Variants in ATXN10 observed in about 807,000 individuals in gnomAD.
ATXN10 encodes ataxin-10.
ATXN10 carries 28 observed loss-of-function variants against 52.9 expected under a neutral mutation model. The ratio of observed to expected loss-of-function variants is 0.53; its 90% confidence interval spans 0.39 to 0.73. The LOEUF is 0.73. Ranked by LOEUF, ATXN10 falls within the 30% of genes least tolerant of loss-of-function variation. The pLI, the probability that ATXN10 is intolerant of heterozygous loss-of-function variation, is 0.00. For missense variants in ATXN10, 565 were observed against 577.0 expected, an observed-to-expected ratio of 0.98 and a Z score of 0.21; for synonymous variants, 226 against 221.5, an observed-to-expected ratio of 1.02 and a Z score of -0.18.
rs1201104077 is a variant in ATXN10 at position 45,715,061 on chromosome 22, A to G, written c.648-3352A>G. 1.3e-5 allele frequency among the ~76,000 whole-genome samples: 2 copies of G among 152,218 alleles called. No homozygotes were observed. Among genetic ancestry groups the G allele is most frequent in the Non-Finnish European group, 2.9e-5 (2 of 68,044 alleles). ...TTGCTTCCTAACCACGCATTCCAGC[A>G]TGCAGAACTCAGTCCTTCCTTTACG... On this transcript the variant is annotated intron_variant, in intron 5 of 11. Coordinates refer to ENST00000252934, the MANE Select transcript of ATXN10 (RefSeq NM_013236.4). The surrounding 1 kb of genome is among the most constrained non-coding windows in gnomAD (Gnocchi z 4.4).
In ATXN10 at chr22:45,828,461, T is replaced by C. The variant is rs1485220222; in HGVS notation, c.1238-14530T>C. Among the ~76,000 whole-genome samples the C allele has an allele frequency of 6.6e-6, 1 of 152,048 alleles. No individual in the cohort carries two copies. Among genetic ancestry groups the C allele is most frequent in the Non-Finnish European group, 1.5e-5 (1 of 67,996 alleles). ...AATAGAAAAATAATAGAGAAAATTA[T>C]GAAAACAGAAGTTGCTTTTTTAAAG... On this transcript the variant is annotated intron_variant, in intron 10 of 11. Transcript: ENST00000252934. This position sits in a 1 kb window ranked among gnomAD's most constrained non-coding sequence, Gnocchi z 4.5.
intron 9 of ATXN10, among the ~76,000 whole-genome samples, chr22:45,751,763 A>AAAAAAAAT: frequency 6.0e-5 from 4 of 66,630 alleles, no homozygotes; most frequent in East Asian, 3.1e-4. Context: ...AATAAAAAAA[A>AAAAAAAAT]AATAATAATA....
chr22:45,778,942 T>TGGATA (rs1362781272), intron 9 of ATXN10, among the ~76,000 whole-genome samples: 2 of 152,218 alleles, frequency 1.3e-5, no homozygotes, highest in African/African-American at 4.8e-5. Context: ...GTGAGTGGAA[T>TGGATA]GGATACAGAG....
intron 9 of ATXN10, among the ~76,000 whole-genome samples, chr22:45,800,150 A>G (rs1927883255): frequency 1.3e-5 from 2 of 152,220 alleles, no homozygotes; most frequent in South Asian, 2.1e-4. Context: ...TAAAAAGTCA[A>G]TGCTCTTTGA....
rs1926463145 is a variant in ATXN10 at position 45,763,246 on chromosome 22, T to A, written c.1173+22708T>A. Among the ~76,000 whole-genome samples the A allele has an allele frequency of 6.6e-6, 1 of 150,450 alleles. No homozygotes were observed. On this transcript the variant is annotated intron_variant, in intron 9 of 11. Coordinates refer to ENST00000252934, the MANE Select transcript of ATXN10 (RefSeq NM_013236.4). This position sits in a 1 kb window ranked among gnomAD's most constrained non-coding sequence, Gnocchi z 6.9. ...GGAGAATCTGGAGAGCTGGAGAGAG[T>A]GAGGTGGTGAGGTGGGCCTGGCGTG...
chr22:45,781,581 CA>C lies in ATXN10; in HGVS notation c.1174-25377del, dbSNP rs1448332436. 6.6e-6 allele frequency among the ~76,000 whole-genome samples: 1 copy of C among 152,180 alleles called. No homozygotes were observed. The highest frequency in any genetic ancestry group is 1.5e-5 in the Non-Finnish European group (1 of 68,026). On this transcript the variant is annotated intron_variant, in intron 9 of 11. Transcript: ENST00000252934. The surrounding 1 kb of genome is among the most constrained non-coding windows in gnomAD (Gnocchi z 4.2). ...GAGTACAATTTAAAATCATGGGTTACACTAAGGACCAGGAAAATCTTAGCTT... is the reference window on the plus strand; with the variant it reads ...GAGTACAATTTAAAATCATGGGTTACCTAAGGACCAGGAAAATCTTAGCTT...
At chr22:45,813,937 G>A (rs1348778577) in intron 10 of ATXN10, among the ~76,000 whole-genome samples, 1 of 152,140 alleles carries the variant, frequency 6.6e-6, no homozygotes, top group Non-Finnish European at 1.5e-5. Context: ...GTCAACAAAG[G>A]CCTCACTGAA....
At chr22:45,707,120 T>A (rs1924072730) in intron 5 of ATXN10, among the ~76,000 whole-genome samples, 1 of 152,196 alleles carries the variant, frequency 6.6e-6, no homozygotes, top group African/African-American at 2.4e-5. Flanking sequence ...ACAAATTTTG[T>A]TGTTTATGTT....
chr22:45,796,857 A>T lies in ATXN10; in HGVS notation c.1174-10102A>T, dbSNP rs188353683. Among the ~76,000 whole-genome samples the T allele has an allele frequency of 1.6e-3, 246 of 152,338 alleles. 1 individual carries two copies. The highest frequency in any genetic ancestry group is 5.7e-3 in the African/African-American group (238 of 41,572). ...ATGCTATGATAAGAAATATACTTTG[A>T]ATATAAAGGTGAAGATACCTTAAGA... On this transcript the variant is annotated intron_variant, in intron 9 of 11. Coordinates refer to ENST00000252934, the MANE Select transcript of ATXN10 (RefSeq NM_013236.4).
At chr22:45,807,490 G>A (rs1481282391) in intron 10 of ATXN10, among the ~76,000 whole-genome samples, 1 of 152,246 alleles carries the variant, frequency 6.6e-6, no homozygotes, top group African/African-American at 2.4e-5. Context: ...CAAGAGGAAG[G>A]AGCATCTCAG....
At chr22:45,773,546 C>T (rs1251478399) in intron 9 of ATXN10, among the ~76,000 whole-genome samples, 1 of 152,024 alleles carries the variant, frequency 6.6e-6, no homozygotes, top group African/African-American at 2.4e-5. Context: ...GCAACCTCCA[C>T]CTCCCAGGTT....
At position 45,795,008 on chromosome 22, in the gene ATXN10, T is replaced by C. The variant is rs1158491516; in HGVS notation, c.1174-11951T>C. On this transcript the variant is annotated intron_variant, in intron 9 of 11. Transcript: ENST00000252934. This position sits in a 1 kb window ranked among gnomAD's most constrained non-coding sequence, Gnocchi z 4.6. ...AATGTGTATATAGAAGAAAAATATA[T>C]GAGAGTAATTGCCCAAAGATTAAAC... Among the ~76,000 whole-genome samples, 1 of 152,186 alleles carries C rather than the reference T, an allele frequency of 6.6e-6. No individual in the cohort carries two copies. Among genetic ancestry groups the C allele is most frequent in the African/African-American group, 2.4e-5 (1 of 41,436 alleles).
chr22:45,828,400 T>C lies in ATXN10; in HGVS notation c.1238-14591T>C, dbSNP rs546992864. Among the ~76,000 whole-genome samples, 265 of 151,910 alleles carry C rather than the reference T, an allele frequency of 1.7e-3. 1 individual carries two copies. The highest frequency in any genetic ancestry group is 2.8e-3 in the Non-Finnish European group (192 of 67,952). ...AAACCCAAAGCTAGCAAAAGGAAGA[T>C]AATAAATATTAGGGCAGAGATAAAA... On this transcript the variant is annotated intron_variant, in intron 10 of 11. Coordinates refer to ENST00000252934, the MANE Select transcript of ATXN10 (RefSeq NM_013236.4). This position sits in a 1 kb window ranked among gnomAD's most constrained non-coding sequence, Gnocchi z 4.5.
chr22:45,833,914 T>A lies in ATXN10; in HGVS notation c.1238-9077T>A, dbSNP rs1929076228. Among the ~76,000 whole-genome samples, 1 of 152,148 alleles carries A rather than the reference T, an allele frequency of 6.6e-6. No homozygotes were observed. The highest frequency in any genetic ancestry group is 2.1e-4 in the South Asian group (1 of 4,818). On this transcript the variant is annotated intron_variant, in intron 10 of 11. Transcript: ENST00000252934. The surrounding 1 kb of genome is among the most constrained non-coding windows in gnomAD (Gnocchi z 4.3). ...CAGAGCCTGACTGCCTACTTCCAAATCCACCTTGAACACATCCAGTTGCGG... is the reference window on the plus strand; with the variant it reads ...CAGAGCCTGACTGCCTACTTCCAAAACCACCTTGAACACATCCAGTTGCGG...
rs1924520624 is a variant in ATXN10, at chr22:45,718,310, AAAG to A, written c.648-100_648-98del. On this transcript the variant is annotated intron_variant, in intron 5 of 11. Coordinates refer to ENST00000252934, the MANE Select transcript of ATXN10 (RefSeq NM_013236.4). This position sits in a 1 kb window ranked among gnomAD's most constrained non-coding sequence, Gnocchi z 4.4. ...TTACAGCAAATCAAAAATTCACTGA[AAAG>A]AAATGCTTTTGTGTGTAAGTGGTGC... 2 of 900,214 alleles carry A rather than the reference AAAG, an allele frequency of 2.2e-6. No homozygotes were observed. Among genetic ancestry groups the A allele is most frequent in the Non-Finnish European group, 1.9e-6 (1 of 534,304 alleles). 55.8% of individuals were successfully genotyped at this position (900,214 alleles called of 1,614,324 possible).
chr22:45,831,252 G>A (rs1355062719), intron 10 of ATXN10, among the ~76,000 whole-genome samples: 5 of 152,198 alleles, frequency 3.3e-5, no homozygotes, highest in African/African-American at 1.2e-4. Flanking sequence ...TACAAGACGA[G>A]TTGCGGAGAT....
chr22:45,700,405 A>C, intron 4 of ATXN10, 27 bp downstream of exon 4: 1 of 1,537,676 alleles, frequency 6.5e-7, no homozygotes, highest in Admixed American at 1.7e-5. Flanking sequence ...GCATTTTTCT[A>C]ACTTGTGAGA....
At chr22:45,794,341 A>G (rs1927632399) in intron 9 of ATXN10, among the ~76,000 whole-genome samples, 2 of 151,978 alleles carry the variant, frequency 1.3e-5, no homozygotes, top group African/African-American at 4.8e-5. Flanking sequence ...TCTCAGAAAT[A>G]TCTATTTCAT....
rs569604664 is a variant in ATXN10 at position 45,763,803 on chromosome 22, G to A, written c.1173+23265G>A. ...GACCATTTGTCTCTTCACCATTCTG[G>A]TGCTGGGAACAGCATAGCATGGTGG... On this transcript the variant is annotated intron_variant, in intron 9 of 11. Coordinates refer to ENST00000252934, the MANE Select transcript of ATXN10 (RefSeq NM_013236.4). The surrounding 1 kb of genome is among the most constrained non-coding windows in gnomAD (Gnocchi z 6.9). Among the ~76,000 whole-genome samples, 15 of 152,342 alleles carry A rather than the reference G, an allele frequency of 9.8e-5. No homozygotes were observed. The South Asian group carries it at 2.9e-3, about 29-fold the overall frequency.
Sources: allele counts gnomAD v4.1 joint callset (sites outside exome capture counted in the v4.1 genomes callset), GRCh38; gene constraint gnomAD v4.1.1; non-coding constraint Gnocchi (gnomAD v3.1); transcripts MANE v1.5; gene names NCBI Gene and HGNC (gene_info 2026-07-23, HGNC 2026-07-21).